Variants in CRACD observed in about 807,000 individuals in gnomAD.
CRACD encodes the protein capping protein inhibiting regulator of actin dynamics, also known as capping protein-inhibiting regulator of actin dynamics.
Under a neutral mutation model 106.8 loss-of-function variants are expected in CRACD, and 56 were observed. The observed-to-expected ratio is 0.52, with a 90% confidence interval of 0.42 to 0.66. The LOEUF is 0.66. Ranked by LOEUF, CRACD falls within the 30% of genes least tolerant of loss-of-function variation. CRACD has a pLI of 0.00. For synonymous variants in CRACD, 754 were observed against 670.8 expected (o/e 1.12, Z -1.92); for missense variants, 1,730 against 1,623.2 (o/e 1.07, Z -1.13).
Position 56,315,607 on chromosome 4 carries a change from G to A in CRACD, c.2105G>A (p.Arg702Gln), listed in dbSNP as rs373181510. 1.2e-4 allele frequency: 188 copies of A among 1,614,070 alleles called. No individual in the cohort carries two copies. Among genetic ancestry groups the A allele is most frequent in the Non-Finnish European group, 1.5e-4 (173 of 1,180,044 alleles). Residue 702 changes from arginine to glutamine, a missense_variant, in exon 8 of 11, where the codon CGG (arginine) becomes CAG (glutamine). Physicochemically the swap from Arg to Gln is conservative, Grantham distance 43. This residue lies in a region of CRACD where 1,620 missense variants were observed against 1,481.6 expected (regional missense o/e 1.09). Transcript: ENST00000682029. This position sits in a 1 kb window ranked among gnomAD's most constrained non-coding sequence, Gnocchi z 4.1. ...RPGDESTPRGRCDSRGNQRKT... is the reference protein window; with the variant it reads ...RPGDESTPRGQCDSRGNQRKT... ...GGTGATGAGTCCACTCCCAGGGGCC[G>A]GTGTGATTCCCGCGGGAACCAACGG...
chr4:56,167,538 C>T (rs564461239), intron 1 of CRACD, among the ~76,000 whole-genome samples: 2 of 152,332 alleles, frequency 1.3e-5, no homozygotes, highest in South Asian at 4.1e-4. Context: ...TCCCCAGCTT[C>T]TGGTAACCAC....
intron 2 of CRACD, among the ~76,000 whole-genome samples, chr4:56,239,947 T>C (rs1428585530): frequency 6.6e-6 from 1 of 152,150 alleles, no homozygotes; most frequent in Middle Eastern, 3.2e-3. Context: ...ATGAATGAGA[T>C]GAGAGTCAGG....
Position 56,314,052 on chromosome 4 carries a change from G to A in CRACD, c.550G>A (p.Glu184Lys). 6.2e-7 allele frequency: 1 copy of A among 1,613,550 alleles called. No individual in the cohort carries two copies. The highest frequency in any genetic ancestry group is 8.5e-7 in the Non-Finnish European group (1 of 1,179,760). ...HRRLAQDPQH[E>K]QGGLESRPCL... ...TTTCCAATGTTAGGATCCACAACAT[G>A]AGCAAGGCGGCCTTGAGAGTCGGCC... The change falls in exon 8 of 11, where the codon GAG becomes AAG. Residue 184 changes from glutamate to lysine, a missense_variant. Glu to Lys is a moderately conservative substitution (Grantham distance 56). Coordinates refer to ENST00000682029, the MANE Select transcript of CRACD (RefSeq NM_001393381.1). The surrounding 1 kb of genome is among the most constrained non-coding windows in gnomAD (Gnocchi z 4.4).
At chr4:56,277,335 A>G (rs1268692970) in intron 3 of CRACD, among the ~76,000 whole-genome samples, 1 of 152,214 alleles carries the variant, frequency 6.6e-6, no homozygotes, top group Non-Finnish European at 1.5e-5. Context: ...TTGGTTTAAC[A>G]TAAAAAAGCC....
rs560961270 is a variant in CRACD, at chr4:56,085,405, G to C, written c.-336+36106G>C. Reference sequence around the variant, plus strand: ...TTATTTCACATCTATGTTTGATGTGGTGGTGGGTAAAGCACCCTGGACTTA... The same window carrying C: ...TTATTTCACATCTATGTTTGATGTGCTGGTGGGTAAAGCACCCTGGACTTA... On this transcript the variant is annotated intron_variant, in intron 1 of 10. Coordinates refer to ENST00000682029, the MANE Select transcript of CRACD (RefSeq NM_001393381.1). Among the ~76,000 whole-genome samples the C allele has an allele frequency of 1.6e-4, 25 of 151,926 alleles. 1 individual carries two copies. The South Asian group carries it at 5.0e-3, about 30-fold the overall frequency.
chr4:56,172,307 G>A (rs544476658), intron 1 of CRACD, among the ~76,000 whole-genome samples: 5 of 152,192 alleles, frequency 3.3e-5, no homozygotes, highest in Admixed American at 6.5e-5. Flanking sequence ...AATTCTGCAT[G>A]GAGGGAAACA....
At chr4:56,270,329 T>C (rs1044096393) in intron 2 of CRACD, among the ~76,000 whole-genome samples, 2 of 152,170 alleles carry the variant, frequency 1.3e-5, no homozygotes, top group Admixed American at 1.3e-4. Context: ...TAACTGAGAT[T>C]ACAGGCGTGA....
At chr4:56,265,437 T>TATGAAATATATGGTACCAAAGAAAA (rs1741960059) in intron 2 of CRACD, among the ~76,000 whole-genome samples, 1 of 151,002 alleles carries the variant, frequency 6.6e-6, no homozygotes, top group Admixed American at 6.6e-5. Context: ...TGTGTGTGTG[T>TATGAAATATATGGTACCAAAGAAAA]GTGTGTATGA....
At chr4:56,155,993 T>G (rs1735751506) in intron 1 of CRACD, among the ~76,000 whole-genome samples, 1 of 152,154 alleles carries the variant, frequency 6.6e-6, no homozygotes, top group Non-Finnish European at 1.5e-5. Flanking sequence ...AGACAGAGTT[T>G]TGCTCTGTCA....
chr4:56,270,262 C>T (rs1294622471), intron 2 of CRACD, among the ~76,000 whole-genome samples: 2 of 151,654 alleles, frequency 1.3e-5, no homozygotes, highest in Non-Finnish European at 2.9e-5. Context: ...TCTCATATTG[C>T]CCAGGGTGGT....
At chr4:56,152,958 T>C (rs369609431) in intron 1 of CRACD, among the ~76,000 whole-genome samples, 13 of 152,274 alleles carry the variant, frequency 8.5e-5, no homozygotes, top group African/African-American at 3.1e-4. Flanking sequence ...GGATATCTTA[T>C]AGGAATCTTA....
At position 56,315,907 on chromosome 4, in the gene CRACD, G is replaced by A. The variant is rs756558418; in HGVS notation, c.2405G>A (p.Ser802Asn). The change falls in exon 8 of 11, where the codon AGC (serine) becomes AAC (asparagine). Residue 802 changes from serine (S) to asparagine (N), a missense_variant. By Grantham distance (46) the Ser-to-Asn change is conservative (BLOSUM62 1). This residue lies in a region of CRACD where 1,620 missense variants were observed against 1,481.6 expected (regional missense o/e 1.09). Coordinates refer to ENST00000682029, the MANE Select transcript of CRACD (RefSeq NM_001393381.1). The surrounding 1 kb of genome is among the most constrained non-coding windows in gnomAD (Gnocchi z 4.1). ...GACCTCCCGTCTTTCCTTGTCCCAAGCCTTCCTTACCCTCCGCAGAAAGTG... is the reference window on the plus strand; with the variant it reads ...GACCTCCCGTCTTTCCTTGTCCCAAACCTTCCTTACCCTCCGCAGAAAGTG... ...AKDLPSFLVP[S>N]LPYPPQKVVA... is the part of the protein sequence containing the mutation. The A allele has an allele frequency of 1.2e-6, 2 of 1,614,194 alleles. No homozygotes were observed. Among genetic ancestry groups the A allele is most frequent in the Non-Finnish European group, 8.5e-7 (1 of 1,180,046 alleles).
chr4:56,127,995 G>C (rs1437641494), intron 1 of CRACD, among the ~76,000 whole-genome samples: 2 of 152,114 alleles, frequency 1.3e-5, no homozygotes, highest in Admixed American at 1.3e-4. Flanking sequence ...AAATATGACT[G>C]TTTTCTCTCT....
chr4:56,313,177 T>C lies in CRACD; in HGVS notation c.355-20T>C. The C allele has an allele frequency of 6.2e-7, 1 of 1,601,162 alleles. No homozygotes were observed. The highest frequency in any genetic ancestry group is 8.5e-7 in the Non-Finnish European group (1 of 1,170,204). On this transcript the variant is annotated intron_variant, in intron 6 of 10. Transcript: ENST00000682029. ...TGTCTTCTGATCCCAACTGACTTTC[T>C]ATTTTAATCTCCCCTACAGGTTGCT...
In CRACD at chr4:56,271,019, C is replaced by T. The variant is rs1323438533; in HGVS notation, c.-188-1302C>T. On this transcript the variant is annotated intron_variant, in intron 2 of 10. Coordinates refer to ENST00000682029, the MANE Select transcript of CRACD (RefSeq NM_001393381.1). Reference sequence around the variant, plus strand: ...ACTCGGGAGGCTGAGACAGGAGAATCACTTGAACCCGGGAGGCAGAGGTTG... The same window carrying T: ...ACTCGGGAGGCTGAGACAGGAGAATTACTTGAACCCGGGAGGCAGAGGTTG... Among the ~76,000 whole-genome samples, 12 of 150,960 alleles carry T rather than the reference C, an allele frequency of 7.9e-5. 1 individual carries two copies. The highest frequency in any genetic ancestry group is 4.6e-4 in the Admixed American group (7 of 15,134).
At chr4:56,104,713 A>C (rs865794481) in intron 1 of CRACD, among the ~76,000 whole-genome samples, 13 of 152,208 alleles carry the variant, frequency 8.5e-5, no homozygotes, top group Non-Finnish European at 7.3e-5. Context: ...CACGCCTGTA[A>C]TCCCAGCACT....
chr4:56,279,737 G>A lies in CRACD; in HGVS notation c.-17+7245G>A, dbSNP rs561773705. On this transcript the variant is annotated intron_variant, in intron 3 of 10. Coordinates refer to ENST00000682029, the MANE Select transcript of CRACD (RefSeq NM_001393381.1). ...CAACCATTGTGGAAGTCAGTGTGGC[G>A]ATTCCTCAGGGATTTAGAACTAGAA... Among the ~76,000 whole-genome samples the A allele has an allele frequency of 2.9e-3, 441 of 152,260 alleles. 4 individuals are homozygous for A. The highest frequency in any genetic ancestry group is 5.1e-3 in the Non-Finnish European group (349 of 68,032).
intron 1 of CRACD, among the ~76,000 whole-genome samples, chr4:56,113,148 C>A (rs1363694021): frequency 6.6e-6 from 1 of 151,986 alleles, no homozygotes; most frequent in Non-Finnish European, 1.5e-5. Context: ...AATAAAAATT[C>A]TTGTTTCTGG....
At chr4:56,212,573 T>C (rs1738460365) in intron 2 of CRACD, among the ~76,000 whole-genome samples, 2 of 152,208 alleles carry the variant, frequency 1.3e-5, no homozygotes, top group Admixed American at 6.5e-5. Context: ...CACATGTAAA[T>C]GTAGGCATAG....
Sources: allele counts gnomAD v4.1 joint callset (sites outside exome capture counted in the v4.1 genomes callset), GRCh38; gene constraint gnomAD v4.1.1; regional missense constraint gnomAD v4.1.1; non-coding constraint Gnocchi (gnomAD v3.1); transcripts MANE v1.5; gene names NCBI Gene and HGNC (gene_info 2026-07-23, HGNC 2026-07-21).